Variants in DGLUCY observed in about 807,000 individuals in gnomAD.
DGLUCY encodes D-glutamate cyclase, mitochondrial.
In DGLUCY, 58 loss-of-function variants were observed where a neutral mutation model predicts 58.5. The observed-to-expected ratio is 0.99, with a 90% confidence interval of 0.80 to 1.23. The LOEUF is 1.23. DGLUCY is among the 50% of genes most tolerant of loss of function. The probability of loss-of-function intolerance (pLI) is 0.00; values close to 1 mark genes in which losing one functional copy is unlikely to be tolerated. For missense variants in DGLUCY, 779 were observed against 784.7 expected (o/e 0.99, Z 0.09); for synonymous variants, 325 against 314.1 (o/e 1.03, Z -0.37).
intron 7 of DGLUCY, among the ~76,000 whole-genome samples, chr14:91,180,199 CT>C (rs1332110394): frequency 6.6e-6 from 1 of 151,784 alleles, no homozygotes; most frequent in African/African-American, 2.4e-5. Context: ...CTGCTAAACA[CT>C]TTTATGTACG....
chr14:91,142,554 C>G (rs929576441), intron 1 of DGLUCY, among the ~76,000 whole-genome samples: 1 of 152,090 alleles, frequency 6.6e-6, no homozygotes, highest in Non-Finnish European at 1.5e-5. Context: ...CCTGCCCCCA[C>G]CTAAGCCCCA....
intron 1 of DGLUCY, among the ~76,000 whole-genome samples, chr14:91,155,657 G>T (rs1430560402): frequency 6.6e-6 from 1 of 152,086 alleles, no homozygotes; most frequent in Admixed American, 6.6e-5. Context: ...TTAGATGGGC[G>T]TGGTGGTGCT....
At chr14:91,102,596 G>A (rs1165619732) in intron 1 of DGLUCY, among the ~76,000 whole-genome samples, 1 of 152,136 alleles carries the variant, frequency 6.6e-6, no homozygotes, top group African/African-American at 2.4e-5. Flanking sequence ...TGGAATGTCA[G>A]CAAACTTTGG....
At chr14:91,135,673 AAC>A (rs1170032517) in intron 1 of DGLUCY, among the ~76,000 whole-genome samples, 1 of 150,682 alleles carries the variant, frequency 6.6e-6, no homozygotes, top group African/African-American at 2.4e-5. Context: ...AAAAAAAAAA[AAC>A]AAGTATGGTA....
At chr14:91,128,251 C>T (rs555060009) in intron 1 of DGLUCY, among the ~76,000 whole-genome samples, 2 of 148,222 alleles carry the variant, frequency 1.3e-5, no homozygotes, top group East Asian at 2.0e-4. Flanking sequence ...GGCAGGTGGA[C>T]TGCTTGAGCC....
At chr14:91,197,461 C>T (rs1424179392) in intron 10 of DGLUCY, among the ~76,000 whole-genome samples, 1 of 152,202 alleles carries the variant, frequency 6.6e-6, no homozygotes, top group Non-Finnish European at 1.5e-5. Flanking sequence ...ACTCACATTG[C>T]TGTACAGCCA....
At chr14:91,143,628 TGAAC>T (rs1166233107) in intron 1 of DGLUCY, among the ~76,000 whole-genome samples, 2 of 152,192 alleles carry the variant, frequency 1.3e-5, no homozygotes, top group African/African-American at 4.8e-5. Flanking sequence ...AATGTTTTCT[TGAAC>T]CTCTATATCA....
intron 11 of DGLUCY, among the ~76,000 whole-genome samples, chr14:91,204,451 T>C (rs1167466106): frequency 6.6e-6 from 1 of 152,164 alleles, no homozygotes; most frequent in Non-Finnish European, 1.5e-5. Flanking sequence ...ACGTGCTCCA[T>C]CTTTGCTGGA....
At position 91,192,444 on chromosome 14, in the gene DGLUCY, A is replaced by G. The variant is rs117718160; in HGVS notation, c.1195+3274A>G. On this transcript the variant is annotated intron_variant, in intron 9 of 13. Transcript: ENST00000256324. ...GGTGATGGTTGCACAACAATGTGAA[A>G]TACTTTATGCTACTGAACTATACAC... Among the ~76,000 whole-genome samples the G allele has an allele frequency of 8.8e-3, 1,337 of 152,230 alleles. 15 individuals carry two copies. The highest frequency in any genetic ancestry group is 0.017 in the Middle Eastern group (5 of 294).
intron 1 of DGLUCY, among the ~76,000 whole-genome samples, chr14:91,078,127 C>G (rs943152532): frequency 1.2e-4 from 18 of 152,140 alleles, no homozygotes; most frequent in Admixed American, 1.2e-3. Flanking sequence ...CTCCAGGGTT[C>G]AAGTGATTCT....
intron 1 of DGLUCY, among the ~76,000 whole-genome samples, chr14:91,134,188 T>C (rs1276851029): frequency 6.6e-6 from 1 of 152,208 alleles, no homozygotes; most frequent in Non-Finnish European, 1.5e-5. Context: ...TTCAGTTCCT[T>C]TTTAAAAACC....
intron 3 of DGLUCY, among the ~76,000 whole-genome samples, chr14:91,163,294 A>C (rs554455681): frequency 1.3e-5 from 2 of 152,126 alleles, no homozygotes; most frequent in South Asian, 4.1e-4. Flanking sequence ...GTTTGTTCTC[A>C]CAAGGGGCTT....
In DGLUCY at chr14:91,199,868, T is replaced by A. The variant is rs1284739327; in HGVS notation, c.1407T>A (p.Phe469Leu). The A allele has an allele frequency of 6.2e-7, 1 of 1,614,100 alleles. No individual in the cohort carries two copies. The highest frequency in any genetic ancestry group is 1.3e-5 in the African/African-American group (1 of 74,938). The change falls in exon 11 of 14, where the codon TTT becomes TTA. Residue 469 changes from phenylalanine (F) to leucine (L), a missense_variant. Physicochemically the swap from Phe to Leu is conservative, Grantham distance 22 (BLOSUM62 0). Coordinates refer to ENST00000256324, the MANE Select transcript of DGLUCY (RefSeq NM_001102368.3). ...TGGTTGACCCCATTGACGATCTTTT[T>A]CTTGCTGCGAAGAAGATTCCTGGAA... ...KHLVDPIDDL[F>L]LAAKKIPGIS...
chr14:91,222,935 C>A (rs572902923), intron 13 of DGLUCY, among the ~76,000 whole-genome samples: 15 of 152,322 alleles, frequency 9.8e-5, no homozygotes, highest in African/African-American at 3.6e-4. Flanking sequence ...CTTGCTGAGT[C>A]CGCATGTGGT....
intron 10 of DGLUCY, among the ~76,000 whole-genome samples, chr14:91,197,753 C>T (rs985776840): frequency 1.3e-5 from 2 of 152,190 alleles, no homozygotes; most frequent in Admixed American, 1.3e-4. Flanking sequence ...GAATAACATT[C>T]CCTTGTGTGT....
Position 91,196,471 on chromosome 14 carries a change from C to T in DGLUCY, c.1292C>T (p.Pro431Leu), listed in dbSNP as rs185064362. 3 of 1,613,500 alleles carry T rather than the reference C, an allele frequency of 1.9e-6. No individual in the cohort carries two copies. In the East Asian group the frequency reaches 6.7e-5, roughly 36 times the overall value. Reference protein sequence around the residue: ...FLCKNGDPQTPRFDHLVAIER... With the variant: ...FLCKNGDPQTLRFDHLVAIER... ...TGCAAAAATGGGGACCCGCAGACAC[C>T]TAGGTACGTATGTCGCATCCCAGTT... Residue 431 changes from proline to leucine, a missense_variant, in exon 10 of 14, where the codon CCT becomes CTT. Coordinates refer to ENST00000256324, the MANE Select transcript of DGLUCY (RefSeq NM_001102368.3).
chr14:91,074,875 C>T (rs1162234795), intron 1 of DGLUCY, among the ~76,000 whole-genome samples: 1 of 151,946 alleles, frequency 6.6e-6, no homozygotes, highest in East Asian at 1.9e-4. Flanking sequence ...GAGTTCAAGA[C>T]CAGCCTGACC....
chr14:91,118,801 T>C (rs972918745), intron 1 of DGLUCY, among the ~76,000 whole-genome samples: 9 of 152,148 alleles, frequency 5.9e-5, no homozygotes, highest in African/African-American at 2.2e-4. Flanking sequence ...ATTTTACTTT[T>C]GGTTTATACT....
chr14:91,151,878 C>T (rs543861460), intron 1 of DGLUCY, among the ~76,000 whole-genome samples: 85 of 152,088 alleles, frequency 5.6e-4, no homozygotes, highest in African/African-American at 2.0e-3. Context: ...TGGTCTTGAA[C>T]TCCTGGCCTC....
Sources: gnomAD v4.1 joint callset for allele counts (sites outside exome capture counted in the v4.1 genomes callset) on GRCh38, gnomAD v4.1.1 for gene constraint, MANE v1.5 for transcripts, NCBI Gene and HGNC (gene_info 2026-07-23, HGNC 2026-07-21) for gene names.